The following BRINP3 variants were observed in gnomAD, a reference collection of about 807,000 sequenced individuals.
The protein encoded by BRINP3 is BMP/retinoic acid inducible neural specific 3, also known as BMP/retinoic acid-inducible neural-specific protein 3.
In BRINP3, 19 loss-of-function variants were observed where a neutral mutation model predicts 71.0. The observed-to-expected ratio is 0.27, with a 90% CI of 0.19 to 0.39. BRINP3 has a LOEUF of 0.39. BRINP3 is among the 10% of genes least tolerant of loss of function. BRINP3 has a pLI of 1.00. For synonymous variants in BRINP3, 380 were observed against 337.7 expected (o/e 1.13, Z -1.37); for missense variants, 959 against 940.8 (o/e 1.02, Z -0.25).
chr1:190,365,322 C>T (rs1020274025), intron 2 of BRINP3, among the ~76,000 whole-genome samples: 7 of 151,756 alleles, frequency 4.6e-5, no homozygotes, highest in Non-Finnish European at 1.0e-4. Flanking sequence ...CCATCCATTC[C>T]GTTGTATGCA....
intron 6 of BRINP3, among the ~76,000 whole-genome samples, chr1:190,206,422 A>G (rs765240580): frequency 2.0e-5 from 3 of 152,076 alleles, no homozygotes. Flanking sequence ...TGACAATGGT[A>G]GAAATATAAA....
In BRINP3 at chr1:190,098,761, G is replaced by T; in HGVS notation, c.1558C>A (p.Arg520Ser). The T allele has an allele frequency of 6.2e-7, 1 of 1,614,186 alleles. No homozygotes were observed. Among genetic ancestry groups the T allele is most frequent in the Non-Finnish European group, 8.5e-7 (1 of 1,180,042 alleles). The change falls in exon 8 of 8, where the codon CGC (arginine) becomes AGC (serine). Residue 520 changes from arginine to serine, a missense_variant. Coordinates refer to ENST00000367462, the MANE Select transcript of BRINP3 (RefSeq NM_199051.3). ...VHAIFISNDM[R>S]LNSWFDPSWR... is the part of the protein sequence containing the mutation. ...GAGGGATCAAACCAGCTATTGAGGC[G>T]CATGTCATTGCTGATAAAAATGGCA...
intron 2 of BRINP3, among the ~76,000 whole-genome samples, chr1:190,288,192 C>T (rs1013093350): frequency 1.3e-5 from 2 of 151,726 alleles, no homozygotes; most frequent in African/African-American, 4.8e-5. Flanking sequence ...CAAAATTACT[C>T]CTTAATTACA....
chr1:190,099,009 G>T lies in BRINP3; in HGVS notation c.1310C>A (p.Ala437Glu). ...GTCTCCCACTGTGCAGGGCAGGAAC[G>T]CGGTGCAGACCACCTGGTCATTCGG... ...TCPNDQVVCT[A>E]FLPCTVGDAS... The change falls in exon 8 of 8, where the codon GCG becomes GAG. Residue 437 changes from alanine (A) to glutamate (E), a missense_variant. Physicochemically the swap from Ala to Glu is moderately radical, Grantham distance 107. Transcript: ENST00000367462. 2 of 1,614,166 alleles carry T rather than the reference G, an allele frequency of 1.2e-6. No individual in the cohort carries two copies. The highest frequency in any genetic ancestry group is 1.1e-5 in the South Asian group (1 of 91,082).
At chr1:190,369,687 A>G (rs1481075909) in intron 2 of BRINP3, among the ~76,000 whole-genome samples, 3 of 151,864 alleles carry the variant, frequency 2.0e-5, no homozygotes, top group Non-Finnish European at 2.9e-5. Flanking sequence ...TTTTTAATAG[A>G]TAGAGTATTT....
chr1:190,346,227 C>A (rs1195875953), intron 2 of BRINP3, among the ~76,000 whole-genome samples: 1 of 151,758 alleles, frequency 6.6e-6, no homozygotes, highest in African/African-American at 2.4e-5. Context: ...GCCTTATTAC[C>A]TAAGAGGTAA....
Position 190,108,047 on chromosome 1 carries a change from A to G in BRINP3, c.1185-8913T>C, listed in dbSNP as rs138884618. ...CTTTAAAATGCTAATGTAGATGGAG[A>G]TACTGGAGCTGAATAGTTGTCAGAA... On this transcript the variant is annotated intron_variant, in intron 7 of 7. Coordinates refer to ENST00000367462, the MANE Select transcript of BRINP3 (RefSeq NM_199051.3). 2.7e-4 allele frequency among the ~76,000 whole-genome samples: 41 copies of G among 152,074 alleles called. No individual in the cohort carries two copies. The East Asian group carries it at 7.9e-3, about 29-fold the overall frequency.
intron 1 of BRINP3, among the ~76,000 whole-genome samples, chr1:190,467,346 C>T (rs746631961): frequency 1.3e-5 from 2 of 151,528 alleles, no homozygotes; most frequent in Non-Finnish European, 3.0e-5. Flanking sequence ...ATTCATCATA[C>T]ATCTAATGTA....
chr1:190,370,556 A>G (rs1669793540), intron 2 of BRINP3, among the ~76,000 whole-genome samples: 1 of 152,216 alleles, frequency 6.6e-6, no homozygotes, highest in Non-Finnish European at 1.5e-5. Context: ...CTACATTTGA[A>G]TCTTTATAAA....
intron 4 of BRINP3, among the ~76,000 whole-genome samples, chr1:190,255,662 T>G (rs990036112): frequency 3.3e-5 from 5 of 152,128 alleles, no homozygotes; most frequent in African/African-American, 1.2e-4. Context: ...ATTTATTTTA[T>G]TCTTCTCTTT....
chr1:190,147,462 C>A (rs895242278), intron 7 of BRINP3, among the ~76,000 whole-genome samples: 1 of 152,088 alleles, frequency 6.6e-6, no homozygotes, highest in South Asian at 2.1e-4. Flanking sequence ...TATCTAAAGA[C>A]ACTTTATATA....
At chr1:190,229,577 G>A (rs1213495495) in intron 5 of BRINP3, among the ~76,000 whole-genome samples, 1 of 151,136 alleles carries the variant, frequency 6.6e-6, no homozygotes, top group Non-Finnish European at 1.5e-5. Flanking sequence ...CCATGACAGA[G>A]ATAGTAACTT....
chr1:190,317,171 CAAAA>C lies in BRINP3; in HGVS notation c.237-35425_237-35422del, dbSNP rs397862994. ...TGGGTGGCTGAGCGAGAGTCCATCT[CAAAA>C]AAAAAAAAAAAAAAAAAGTCTCTAA... On this transcript the variant is annotated intron_variant, in intron 2 of 7. Transcript: ENST00000367462. Among the ~76,000 whole-genome samples, 465 of 77,162 alleles carry C rather than the reference CAAAA, an allele frequency of 6.0e-3. 2 individuals are homozygous for C. The highest frequency in any genetic ancestry group is 0.018 in the African/African-American group (387 of 22,084). 50.6% of individuals were successfully genotyped at this position (77,162 alleles called of 152,430 possible). A position where few individuals can be genotyped will look rare whatever the true frequency, so the allele number is the denominator to read the frequency against.
At chr1:190,475,771 C>G (rs747913802) in intron 1 of BRINP3, 8 of 152,170 alleles carry the variant, frequency 5.3e-5, no homozygotes, top group Admixed American at 3.9e-4. Flanking sequence ...TACAGCAAAA[C>G]GCACTTACCT....
intron 2 of BRINP3, chr1:190,302,757 T>C (rs1347895365): frequency 6.6e-6 from 1 of 151,880 alleles, no homozygotes; most frequent in East Asian, 1.9e-4. Flanking sequence ...AGTTACAGAA[T>C]TACAGAGTTC....
intron 2 of BRINP3, among the ~76,000 whole-genome samples, chr1:190,414,019 G>T (rs1030555783): frequency 2.0e-5 from 3 of 152,088 alleles, no homozygotes; most frequent in Non-Finnish European, 4.4e-5. Context: ...CTGGAGTGCA[G>T]TGGTGTGATC....
In BRINP3 at chr1:190,446,231, T is replaced by C. The variant is rs915141945; in HGVS notation, c.236+8424A>G. Reference sequence around the variant, plus strand: ...TGGTTTAATCTCAAAATTAGAGATATAGCAATATTGTTGTTGAACACATAT... The same window carrying C: ...TGGTTTAATCTCAAAATTAGAGATACAGCAATATTGTTGTTGAACACATAT... On this transcript the variant is annotated intron_variant, in intron 2 of 7. Transcript: ENST00000367462. 3.9e-5 allele frequency among the ~76,000 whole-genome samples: 6 copies of C among 152,106 alleles called. No homozygotes were observed. The South Asian group carries it at 6.2e-4, about 16-fold the overall frequency.
At chr1:190,440,408 T>G (rs977899399) in intron 2 of BRINP3, among the ~76,000 whole-genome samples, 53 of 151,898 alleles carry the variant, frequency 3.5e-4, no homozygotes, top group African/African-American at 1.3e-3. Context: ...CTTAAAGAAA[T>G]AAAACCTGCA....
intron 7 of BRINP3, among the ~76,000 whole-genome samples, chr1:190,130,138 C>A (rs1403262866): frequency 6.6e-6 from 1 of 151,908 alleles, no homozygotes; most frequent in Non-Finnish European, 1.5e-5. Context: ...CTCTAGTTTG[C>A]AAGTTTTAAG....
Sources: gnomAD v4.1 joint callset for allele counts (sites outside exome capture counted in the v4.1 genomes callset) on GRCh38, gnomAD v4.1.1 for gene constraint, MANE v1.5 for transcripts, NCBI Gene and HGNC (gene_info 2026-07-23, HGNC 2026-07-21) for gene names.